UBE2K: variants seen among roughly 807,000 people sequenced by gnomAD.
The protein encoded by UBE2K is ubiquitin conjugating enzyme E2 K, also known as ubiquitin-conjugating enzyme E2 K.
A neutral mutation model predicts 30.0 loss-of-function variants in UBE2K; 6 were observed. That is an observed-to-expected ratio of 0.20 (90% confidence interval 0.11 to 0.39). UBE2K has a LOEUF of 0.39. UBE2K is among the 10% of genes least tolerant of loss of function. UBE2K has a pLI of 1.00. For synonymous variants in UBE2K, 86 were observed against 83.7 expected (o/e 1.03, Z -0.15); for missense variants, 61 against 241.6 (o/e 0.25, Z 4.96).
intron 1 of UBE2K, among the ~76,000 whole-genome samples, chr4:39,734,748 G>A (rs1408055330): frequency 6.6e-6 from 1 of 152,194 alleles, no homozygotes; most frequent in Non-Finnish European, 1.5e-5. Context: ...GGAAGTTGAG[G>A]TGCAGTGAGC....
intron 4 of UBE2K, among the ~76,000 whole-genome samples, chr4:39,756,334 C>T (rs916256333): frequency 5.9e-5 from 9 of 152,204 alleles, no homozygotes; most frequent in African/African-American, 1.9e-4. Flanking sequence ...AGCAAATTAC[C>T]TAAAGTCTGT....
chr4:39,766,763 T>C (rs1301113438), intron 4 of UBE2K, among the ~76,000 whole-genome samples: 1 of 152,182 alleles, frequency 6.6e-6, no homozygotes, highest in African/African-American at 2.4e-5. Flanking sequence ...TTCTTTCTTT[T>C]TTTCGAGACA....
intron 4 of UBE2K, among the ~76,000 whole-genome samples, chr4:39,762,881 G>A (rs1712048378): frequency 6.6e-6 from 1 of 150,826 alleles, no homozygotes; most frequent in East Asian, 2.0e-4. Context: ...ATCTGCCCTC[G>A]GCCTCCTAAA....
At chr4:39,734,254 C>T (rs1438391383) in intron 1 of UBE2K, among the ~76,000 whole-genome samples, 2 of 151,876 alleles carry the variant, frequency 1.3e-5, no homozygotes, top group African/African-American at 4.8e-5. Flanking sequence ...TACAGGCACA[C>T]ACCACCATGC....
intron 4 of UBE2K, among the ~76,000 whole-genome samples, chr4:39,756,986 ATGTTTTTTTGGGTG>A (rs1721548242): frequency 8.9e-6 from 1 of 111,996 alleles, no homozygotes; most frequent in East Asian, 3.0e-4. Context: ...TTTTTAAGCT[ATGTTTTTTTGGGTG>A]TTTTTTTTTT....
At chr4:39,698,755 G>T (rs1717842481) in intron 1 of UBE2K, among the ~76,000 whole-genome samples, 1 of 152,200 alleles carries the variant, frequency 6.6e-6, no homozygotes, top group Non-Finnish European at 1.5e-5. Flanking sequence ...CCGGGAAGTG[G>T]GTTGGGGGAA....
At chr4:39,772,677 A>C (rs1233120568) in intron 4 of UBE2K, among the ~76,000 whole-genome samples, 1 of 149,844 alleles carries the variant, frequency 6.7e-6, no homozygotes, top group Non-Finnish European at 1.5e-5. Context: ...TACCTCTATT[A>C]ATTGATAAAG....
At chr4:39,757,041 T>TTTTTG in intron 4 of UBE2K, among the ~76,000 whole-genome samples, 1 of 148,742 alleles carries the variant, frequency 6.7e-6, no homozygotes, top group Non-Finnish European at 1.5e-5. Flanking sequence ...TGTTTTTTTT[T>TTTTTG]TGAGACAGAG....
intron 1 of UBE2K, among the ~76,000 whole-genome samples, chr4:39,730,047 A>G (rs778930278): frequency 8.5e-5 from 13 of 152,254 alleles, no homozygotes; most frequent in Non-Finnish European, 1.8e-4. Flanking sequence ...GAAAATTTCT[A>G]GTTGATCATT....
Position 39,781,394 on chromosome 4 carries a change from T to C in UBE2K, c.*2960T>C, listed in dbSNP as rs1713602192. 6.6e-6 allele frequency: 1 copy of C among 152,190 alleles called. No homozygotes were observed. Among genetic ancestry groups the C allele is most frequent in the Non-Finnish European group, 1.5e-5 (1 of 68,022 alleles). 9.4% of individuals were successfully genotyped at this position (152,190 alleles called of 1,614,324 possible). ...CACATAAAACTATGCAAAATAATTCTTTTTAAGTATCTGTAAGAAAGAATT... is the reference window on the plus strand; with the variant it reads ...CACATAAAACTATGCAAAATAATTCCTTTTAAGTATCTGTAAGAAAGAATT... On this transcript the variant is annotated 3_prime_UTR_variant, in exon 7 of 7. Transcript: ENST00000261427.
chr4:39,779,985 C>A lies in UBE2K; in HGVS notation c.*1551C>A, dbSNP rs1192877492. ...TTGATACTAGAAGCAATAAAAGAAC[C>A]ATTATTAAATATATTGTAATGTTAA... On this transcript the variant is annotated 3_prime_UTR_variant, in exon 7 of 7. Coordinates refer to ENST00000261427, the MANE Select transcript of UBE2K (RefSeq NM_005339.5). The A allele has an allele frequency of 1.3e-5, 2 of 152,018 alleles. No individual in the cohort carries two copies. Among genetic ancestry groups the A allele is most frequent in the Admixed American group, 1.3e-4 (2 of 15,238 alleles). 9.4% of individuals were successfully genotyped at this position (152,018 alleles called of 1,614,324 possible). A position where few individuals can be genotyped will look rare whatever the true frequency, so the allele number is the denominator to read the frequency against.
At chr4:39,726,741 G>A (rs755626155) in intron 1 of UBE2K, among the ~76,000 whole-genome samples, 5 of 152,008 alleles carry the variant, frequency 3.3e-5, no homozygotes, top group South Asian at 2.1e-4. Flanking sequence ...GACTACAGGC[G>A]TGCACCACCA....
intron 1 of UBE2K, among the ~76,000 whole-genome samples, chr4:39,730,342 T>G (rs7678527): frequency 0.13 from 19,536 of 151,652 alleles, 1,357 homozygotes; most frequent in East Asian, 0.22. Flanking sequence ...ACGTTTTTTG[T>G]TTTTTTTGTT....
Position 39,778,481 on chromosome 4 carries a change from G to A in UBE2K, c.*47G>A, listed in dbSNP as rs1265961491. On this transcript the variant is annotated 3_prime_UTR_variant, in exon 7 of 7. Transcript: ENST00000261427. ...AGTCAAGCTTGCCTCTTCTTGAGGA[G>A]CACCAACATCTGTTATTTTTAGGAT... 1.6e-6 allele frequency: 2 copies of A among 1,228,688 alleles called. No homozygotes were observed. Among genetic ancestry groups the A allele is most frequent in the Admixed American group, 3.8e-5 (2 of 52,078 alleles). 76.1% of individuals were successfully genotyped at this position (1,228,688 alleles called of 1,614,324 possible).
At chr4:39,777,131 TTACTC>T (rs1163233235) in intron 5 of UBE2K, among the ~76,000 whole-genome samples, 1 of 152,214 alleles carries the variant, frequency 6.6e-6, no homozygotes, top group Non-Finnish European at 1.5e-5. Flanking sequence ...TTTAATAAAA[TTACTC>T]TATTGTGAGT....
At chr4:39,714,562 T>A (rs1405975638) in intron 1 of UBE2K, 3 of 97,284 alleles carry the variant, frequency 3.1e-5, no homozygotes, top group African/African-American at 1.6e-4. Flanking sequence ...TTTTTTTTTT[T>A]TTTAAGACTG....
At chr4:39,725,303 C>G (rs542290750) in intron 1 of UBE2K, among the ~76,000 whole-genome samples, 85 of 144,188 alleles carry the variant, frequency 5.9e-4, no homozygotes, top group Non-Finnish European at 1.1e-3. Flanking sequence ...TCATCTGAAC[C>G]CGGGAGGCAG....
At chr4:39,723,091 T>A (rs923340248) in intron 1 of UBE2K, among the ~76,000 whole-genome samples, 4 of 151,734 alleles carry the variant, frequency 2.6e-5, no homozygotes, top group Non-Finnish European at 4.4e-5. Context: ...TCACCCAGAC[T>A]GGAGTGCAGT....
intron 4 of UBE2K, among the ~76,000 whole-genome samples, chr4:39,762,003 G>A (rs756546716): frequency 7.3e-5 from 11 of 151,572 alleles, no homozygotes; most frequent in African/African-American, 1.5e-4. Flanking sequence ...GTGAAACCCC[G>A]TCTCCACTAA....
Sources: allele counts gnomAD v4.1 joint callset (sites outside exome capture counted in the v4.1 genomes callset), GRCh38; gene constraint gnomAD v4.1.1; transcripts MANE v1.5; gene names NCBI Gene and HGNC (gene_info 2026-07-23, HGNC 2026-07-21).